ZBTB20: variants seen among roughly 807,000 people sequenced by gnomAD.
ZBTB20 encodes the protein zinc finger and BTB domain containing 20.
Under a neutral mutation model 56.9 loss-of-function variants are expected in ZBTB20, and 9 were observed. That is an observed-to-expected ratio of 0.16 (90% CI 0.10 to 0.28). ZBTB20 has a LOEUF of 0.28. Among genes scored for constraint, ZBTB20 ranks in the 10% least tolerant of loss-of-function variants. The pLI, the probability that ZBTB20 is intolerant of heterozygous loss-of-function variation, is 1.00. For missense variants in ZBTB20, 655 were observed against 1,003.0 expected (o/e 0.65, Z 4.69); for synonymous variants, 417 against 420.7 (o/e 0.99, Z 0.11).
intron 6 of ZBTB20, among the ~76,000 whole-genome samples, chr3:114,541,160 T>G (rs1328324403): frequency 6.6e-6 from 1 of 152,148 alleles, no homozygotes; most frequent in African/African-American, 2.4e-5. Context: ...ATACAAAAAA[T>G]TGATTACAAC....
At chr3:114,353,601 G>A (rs2080909259) in intron 10 of ZBTB20, among the ~76,000 whole-genome samples, 2 of 152,118 alleles carry the variant, frequency 1.3e-5, no homozygotes, top group Admixed American at 1.3e-4. Flanking sequence ...CTGTAACCAT[G>A]TGAACACAAA....
At chr3:114,644,795 TGAA>T (rs1443520869) in intron 6 of ZBTB20, among the ~76,000 whole-genome samples, 1 of 152,126 alleles carries the variant, frequency 6.6e-6, no homozygotes, top group African/African-American at 2.4e-5. Flanking sequence ...AAATAAAAGT[TGAA>T]ATTTTAATAA....
intron 2 of ZBTB20, among the ~76,000 whole-genome samples, chr3:115,060,468 G>A (rs534763914): frequency 1.3e-5 from 2 of 152,108 alleles, no homozygotes; most frequent in South Asian, 2.1e-4. Context: ...ATGCTGAGAG[G>A]ATTCTTTCTT....
chr3:114,665,368 T>C (rs2060990460), intron 6 of ZBTB20, among the ~76,000 whole-genome samples: 1 of 152,046 alleles, frequency 6.6e-6, no homozygotes, highest in Non-Finnish European at 1.5e-5. Flanking sequence ...ATATACCATC[T>C]AGGTTTGTTT....
At chr3:114,507,496 T>A (rs548036150) in intron 6 of ZBTB20, among the ~76,000 whole-genome samples, 1 of 152,242 alleles carries the variant, frequency 6.6e-6, no homozygotes, top group Admixed American at 6.5e-5. Flanking sequence ...AGGATAATGA[T>A]CAGCATTTTT....
intron 2 of ZBTB20, among the ~76,000 whole-genome samples, chr3:115,051,191 T>C (rs1214902643): frequency 2.6e-5 from 4 of 152,092 alleles, no homozygotes; most frequent in Admixed American, 6.5e-5. Flanking sequence ...TACTATATTT[T>C]GGGTAGTATG....
intron 2 of ZBTB20, among the ~76,000 whole-genome samples, chr3:114,985,477 G>A (rs1336384130): frequency 6.6e-6 from 1 of 152,052 alleles, no homozygotes; most frequent in East Asian, 1.9e-4. Context: ...GACCTAAAAT[G>A]TATTAATACA....
chr3:114,645,806 G>C (rs932440995), intron 6 of ZBTB20, among the ~76,000 whole-genome samples: 6 of 152,068 alleles, frequency 3.9e-5, no homozygotes, highest in African/African-American at 1.4e-4. Context: ...ACAATTCTCA[G>C]ACTTTACACA....
At chr3:115,022,396 T>C (rs1317560662) in intron 2 of ZBTB20, among the ~76,000 whole-genome samples, 2 of 151,062 alleles carry the variant, frequency 1.3e-5, no homozygotes. Context: ...TAGCTATTGC[T>C]CTAAATATTG....
chr3:114,556,308 T>C (rs1343219854), intron 6 of ZBTB20, among the ~76,000 whole-genome samples: 1 of 152,070 alleles, frequency 6.6e-6, no homozygotes, highest in African/African-American at 2.4e-5. Context: ...CAATCTTATC[T>C]ACATTTTCTA....
chr3:114,874,263 A>T (rs2076114140), intron 4 of ZBTB20: 1 of 152,212 alleles, frequency 6.6e-6, no homozygotes, highest in African/African-American at 2.4e-5. Flanking sequence ...ATATTCACTA[A>T]ACAATCCTGA....
intron 1 of ZBTB20, among the ~76,000 whole-genome samples, chr3:115,143,903 T>C (rs999142922): frequency 2.0e-5 from 3 of 152,192 alleles, no homozygotes; most frequent in African/African-American, 7.2e-5. Flanking sequence ...CAAACTGTAG[T>C]TCCTAAGACA....
chr3:114,520,665 C>T (rs2046538211), intron 6 of ZBTB20, among the ~76,000 whole-genome samples: 1 of 152,076 alleles, frequency 6.6e-6, no homozygotes, highest in African/African-American at 2.4e-5. Flanking sequence ...ACTGGACATT[C>T]ATATCTCCCT....
intron 6 of ZBTB20, among the ~76,000 whole-genome samples, chr3:114,553,660 T>C (rs1199326923): frequency 1.3e-5 from 2 of 152,198 alleles, no homozygotes; most frequent in African/African-American, 4.8e-5. Context: ...AGGACTGAAA[T>C]GACTTAAACA....
intron 3 of ZBTB20, among the ~76,000 whole-genome samples, chr3:114,968,065 C>T (rs1300411168): frequency 1.3e-5 from 2 of 151,780 alleles, no homozygotes; most frequent in Non-Finnish European, 2.9e-5. Context: ...ATATGTATAC[C>T]AATGTACTAT....
chr3:114,552,547 G>A (rs546683921), intron 6 of ZBTB20, among the ~76,000 whole-genome samples: 5 of 151,724 alleles, frequency 3.3e-5, no homozygotes, highest in Non-Finnish European at 5.9e-5. Context: ...TTTCCAAACC[G>A]CCCAAAATTA....
At chr3:114,746,678 T>A (rs971509355) in intron 5 of ZBTB20, among the ~76,000 whole-genome samples, 4 of 152,242 alleles carry the variant, frequency 2.6e-5, no homozygotes, top group African/African-American at 9.6e-5. Context: ...AGCTTCATTT[T>A]ACTTTCTGTT....
chr3:114,838,735 T>A (rs534389490), intron 4 of ZBTB20, among the ~76,000 whole-genome samples: 1 of 152,200 alleles, frequency 6.6e-6, no homozygotes, highest in African/African-American at 2.4e-5. Context: ...TAAAGCACTA[T>A]TCCATATTTT....
intron 5 of ZBTB20, among the ~76,000 whole-genome samples, chr3:114,705,722 G>T (rs1250860498): frequency 6.6e-6 from 1 of 152,144 alleles, no homozygotes; most frequent in Non-Finnish European, 1.5e-5. Context: ...AATCTCTTCA[G>T]ATAGTAACCA....
Sources: gnomAD v4.1 joint callset for allele counts (sites outside exome capture counted in the v4.1 genomes callset) on GRCh38, gnomAD v4.1.1 for gene constraint, MANE v1.5 for transcripts, NCBI Gene and HGNC (gene_info 2026-07-23, HGNC 2026-07-21) for gene names.